The following CYB561D2 variants were observed in gnomAD, a reference collection of about 807,000 sequenced individuals.
The protein encoded by CYB561D2 is cytochrome b561 family member D2.
Under a neutral mutation model 20.2 loss-of-function variants are expected in CYB561D2, and 16 were observed. The ratio of observed to expected loss-of-function variants is 0.79; its 90% confidence interval spans 0.53 to 1.20. The LOEUF is 1.20. Ranked by LOEUF, CYB561D2 falls within the 50% of genes most tolerant of loss-of-function variation. The pLI is 0.00. For synonymous variants in CYB561D2, 135 were observed against 128.3 expected, an observed-to-expected ratio of 1.05 and a Z score of -0.35; for missense variants, 247 against 270.3, an observed-to-expected ratio of 0.91 and a Z score of 0.60.
At position 50,353,516 on chromosome 3, in the gene CYB561D2, G is replaced by T. The variant is rs200800320; in HGVS notation, c.441G>T (p.Leu147=). The T allele has an allele frequency of 6.2e-7, 1 of 1,613,630 alleles. No homozygotes were observed. Residue 147 remains leucine, a synonymous_variant, in exon 4 of 4, where the codon CTG becomes CTT. Transcript: ENST00000425346. ...TGGGGCTGCTCTACCCCAAGCTGCT[G>T]CCCCGATGGCCCCTGGCGAAGCTCA... ...GGVGLLYPKL[L]PRWPLAKLKL... is the part of the protein sequence containing the mutation.
At position 50,353,770 on chromosome 3, in the gene CYB561D2, G is replaced by A. The variant is rs760161984; in HGVS notation, c.*26G>A. The A allele has an allele frequency of 3.2e-6, 5 of 1,561,580 alleles. No individual in the cohort carries two copies. The African/African-American group carries it at 4.0e-5, about 13-fold the overall frequency. On this transcript the variant is annotated 3_prime_UTR_variant, in exon 4 of 4. Coordinates refer to ENST00000425346, the MANE Select transcript of CYB561D2 (RefSeq NM_001291284.2). ...GCTCTTCCCAGCCTAGGGGAAGCCT[G>A]GATTTGCCCCTCCATGTAGGAGCTG...
In CYB561D2 at chr3:50,353,666, A is replaced by G; in HGVS notation, c.591A>G (p.Leu197=). ...VTGAAWYLAV[L]CPVLTSLVIM... is the part of the protein sequence containing the mutation. Reference sequence around the variant, plus strand: ...GTGCAGCCTGGTACCTGGCTGTATTATGCCCTGTCCTCACCAGCTTGGTCA... The same window carrying G: ...GTGCAGCCTGGTACCTGGCTGTATTGTGCCCTGTCCTCACCAGCTTGGTCA... Residue 197 remains leucine, a synonymous_variant, in exon 4 of 4, where the codon TTA becomes TTG. Coordinates refer to ENST00000425346, the MANE Select transcript of CYB561D2 (RefSeq NM_001291284.2). 1 of 1,613,462 alleles carries G rather than the reference A, an allele frequency of 6.2e-7. No individual in the cohort carries two copies. Among genetic ancestry groups the G allele is most frequent in the Non-Finnish European group, 8.5e-7 (1 of 1,180,024 alleles).
Position 50,353,463 on chromosome 3 carries a change from T to C in CYB561D2, c.388T>C (p.Trp130Arg), listed in dbSNP as rs1320449522. ...GCAGGCAGGGCTGCTGGCTGTGCTGTGGGCAGGGCTGCAGTGCTCAGGTGG... is the reference window on the plus strand; with the variant it reads ...GCAGGCAGGGCTGCTGGCTGTGCTGCGGGCAGGGCTGCAGTGCTCAGGTGG... ...HGQAGLLAVL[W>R]AGLQCSGGVG... The change falls in exon 4 of 4, where the codon TGG (tryptophan) becomes CGG (arginine). Residue 130 changes from tryptophan to arginine, a missense_variant. Trp to Arg is a moderately radical substitution (Grantham distance 101). Transcript: ENST00000425346. 16 of 1,613,086 alleles carry C rather than the reference T, an allele frequency of 9.9e-6. No individual in the cohort carries two copies. Among genetic ancestry groups the C allele is most frequent in the Non-Finnish European group, 9.3e-6 (11 of 1,179,912 alleles).
In CYB561D2 at chr3:50,350,939, C is replaced by G; in HGVS notation, c.-71C>G. The G allele has an allele frequency of 1.5e-6, 2 of 1,360,462 alleles. No homozygotes were observed. Among genetic ancestry groups the G allele is most frequent in the Non-Finnish European group, 1.9e-6 (2 of 1,055,850 alleles). The allele number at this position is 1,360,462 out of a possible 1,614,324, so 84.3% of individuals were successfully genotyped here. ...GGCAGGGCCCGGAGTATCCCGCTTT[C>G]TTTGGAGGAAACCACCGCATCAGAT... On this transcript the variant is annotated 5_prime_UTR_variant, in exon 1 of 4. Coordinates refer to ENST00000425346, the MANE Select transcript of CYB561D2 (RefSeq NM_001291284.2). This position sits in a 1 kb window ranked among gnomAD's most constrained non-coding sequence, Gnocchi z 5.7.
chr3:50,352,611 G>A (rs1335744577), intron 3 of CYB561D2, among the ~76,000 whole-genome samples: 1 of 149,584 alleles, frequency 6.7e-6, no homozygotes, highest in African/African-American at 2.5e-5. Context: ...GCTTGAACCC[G>A]GAAGGCGGAG....
chr3:50,351,349 C>G, intron 1 of CYB561D2, 60 bp from the exon 2 acceptor site: 1 of 1,537,286 alleles, frequency 6.5e-7, no homozygotes, highest in Non-Finnish European at 8.8e-7. Context: ...GCAGCCTTTT[C>G]TCCAGTGAGG....
In CYB561D2 at chr3:50,353,669, C is replaced by T; in HGVS notation, c.594C>T (p.Cys198=). The T allele has an allele frequency of 5.6e-6, 9 of 1,613,426 alleles. No individual in the cohort carries two copies. In the East Asian group the frequency reaches 6.7e-5, roughly 12 times the overall value. The part of the protein sequence containing the change: ...TGAAWYLAVL[C]PVLTSLVIMN... ...CAGCCTGGTACCTGGCTGTATTATG[C>T]CCTGTCCTCACCAGCTTGGTCATTA... Residue 198 remains cysteine, a synonymous_variant, in exon 4 of 4, where the codon TGC becomes TGT. Coordinates refer to ENST00000425346, the MANE Select transcript of CYB561D2 (RefSeq NM_001291284.2).
intron 2 of CYB561D2, 51 bp downstream of exon 2, chr3:50,351,611 GGGGA>G (rs1232070859): frequency 3.2e-6 from 5 of 1,582,662 alleles, no homozygotes; most frequent in African/African-American, 1.3e-5. Context: ...CACTGTTCCT[GGGGA>G]GGAAGGGCAG....
chr3:50,352,922 A>G (rs1389082285), intron 3 of CYB561D2, among the ~76,000 whole-genome samples: 1 of 152,208 alleles, frequency 6.6e-6, no homozygotes, highest in Non-Finnish European at 1.5e-5. Flanking sequence ...AATTGTATCC[A>G]GCCCCACGTT....
rs780054893 is a variant in CYB561D2 at position 50,351,420 on chromosome 3, T to C, written c.-14T>C. ...TACTATGCTTTCAGGCTACAACCAC[T>C]AGCACGGCTGACGATGGCCCTTTCT... On this transcript the variant is annotated 5_prime_UTR_variant, in exon 2 of 4. Transcript: ENST00000425346. 6.2e-7 allele frequency: 1 copy of C among 1,612,930 alleles called. No individual in the cohort carries two copies. The highest frequency in any genetic ancestry group is 8.5e-7 in the Non-Finnish European group (1 of 1,179,442).
At chr3:50,352,486 CAAAA>C (rs61695988) in intron 3 of CYB561D2, among the ~76,000 whole-genome samples, 2 of 80,156 alleles carry the variant, frequency 2.5e-5, no homozygotes, top group Non-Finnish European at 5.4e-5. Context: ...GGCTCTGTCC[CAAAA>C]AAAAAAAAAA....
chr3:50,354,062 G>A lies in CYB561D2; in HGVS notation c.*318G>A, dbSNP rs1178448616. Reference sequence around the variant, plus strand: ...TAGGAGAGAAAAAAGTAAAAAATTTGTAAAAAATGACTGAAAAGATTGATG... The same window carrying A: ...TAGGAGAGAAAAAAGTAAAAAATTTATAAAAAATGACTGAAAAGATTGATG... On this transcript the variant is annotated 3_prime_UTR_variant, in exon 4 of 4. Transcript: ENST00000425346. 2.4e-5 allele frequency: 6 copies of A among 250,726 alleles called. No individual in the cohort carries two copies. In the Admixed American group the frequency reaches 2.5e-4, roughly 10 times the overall value. 15.5% of individuals were successfully genotyped at this position (250,726 alleles called of 1,614,324 possible).
intron 1 of CYB561D2, 111 bp from the exon 2 acceptor site, chr3:50,351,298 T>C: frequency 8.1e-7 from 1 of 1,241,216 alleles, no homozygotes; most frequent in Non-Finnish European, 1.1e-6. Context: ...TACTGTTCTT[T>C]CCTACCATAA....
chr3:50,351,460 A>G lies in CYB561D2; in HGVS notation c.27A>G (p.Ser9=). The G allele has an allele frequency of 6.2e-7, 1 of 1,613,716 alleles. No homozygotes were observed. Among genetic ancestry groups the G allele is most frequent in the East Asian group, 2.2e-5 (1 of 44,884 alleles). Residue 9 remains serine, a synonymous_variant, in exon 2 of 4, where the codon TCA becomes TCG. Transcript: ENST00000425346. MALSAETE[S]HIYRALRTAS... ...TGGCCCTTTCTGCGGAGACCGAGTC[A>G]CACATCTACCGAGCTCTGCGTACTG...
In CYB561D2 at chr3:50,350,931, C is replaced by T. The variant is rs1246263882; in HGVS notation, c.-79C>T. On this transcript the variant is annotated 5_prime_UTR_variant, in exon 1 of 4. Coordinates refer to ENST00000425346, the MANE Select transcript of CYB561D2 (RefSeq NM_001291284.2). This position sits in a 1 kb window ranked among gnomAD's most constrained non-coding sequence, Gnocchi z 5.7. ...GTGCGCGCGGCAGGGCCCGGAGTAT[C>T]CCGCTTTCTTTGGAGGAAACCACCG... 2.2e-6 allele frequency: 3 copies of T among 1,373,750 alleles called. No homozygotes were observed. Among genetic ancestry groups the T allele is most frequent in the Non-Finnish European group, 2.8e-6 (3 of 1,065,852 alleles). The allele number at this position is 1,373,750 out of a possible 1,614,324, so 85.1% of individuals were successfully genotyped here. A position where few individuals can be genotyped will look rare whatever the true frequency, so the allele number is the denominator to read the frequency against.
rs200795386 is a variant in CYB561D2, at chr3:50,351,512, G to A, written c.79G>A (p.Ala27Thr). The A allele has an allele frequency of 5.0e-6, 8 of 1,613,020 alleles. No individual in the cohort carries two copies. Among genetic ancestry groups the A allele is most frequent in the Admixed American group, 1.7e-5 (1 of 59,922 alleles). The change falls in exon 2 of 4, where the codon GCC becomes ACC. Residue 27 changes from alanine to threonine, a missense_variant. Ala to Thr is a moderately conservative substitution (Grantham distance 58). Transcript: ENST00000425346. ...TTCTGGCGCTGCCGCCCACCTTGTG[G>A]CCCTGGGCTTTACCATCTTTGTGGC... Reference protein sequence around the residue: ...TASGAAAHLVALGFTIFVAVL... With the variant: ...TASGAAAHLVTLGFTIFVAVL...
chr3:50,352,835 C>T (rs1703803623), intron 3 of CYB561D2, among the ~76,000 whole-genome samples: 1 of 152,158 alleles, frequency 6.6e-6, no homozygotes, highest in Non-Finnish European at 1.5e-5. Flanking sequence ...TACCTCTGTC[C>T]CTTTTTACTT....
chr3:50,354,001 A>T lies in CYB561D2; in HGVS notation c.*257A>T. On this transcript the variant is annotated 3_prime_UTR_variant, in exon 4 of 4. Coordinates refer to ENST00000425346, the MANE Select transcript of CYB561D2 (RefSeq NM_001291284.2). ...GGGCTGCAAGACTGCCTCTCCTGCA[A>T]GGCAGCTCATACTTGTACTGTATGT... The T allele has an allele frequency of 2.0e-6, 1 of 508,878 alleles. No homozygotes were observed. Among genetic ancestry groups the T allele is most frequent in the East Asian group, 3.1e-5 (1 of 32,094 alleles). The allele number at this position is 508,878 out of a possible 1,614,324, so 31.5% of individuals were successfully genotyped here. A position where few individuals can be genotyped will look rare whatever the true frequency, so the allele number is the denominator to read the frequency against.
intron 3 of CYB561D2, among the ~76,000 whole-genome samples, chr3:50,352,761 T>C (rs1479610625): frequency 1.3e-5 from 2 of 151,734 alleles, no homozygotes; most frequent in Non-Finnish European, 2.9e-5. Flanking sequence ...TGGGTAAGAT[T>C]TGTCTAAGCA....
Sources: allele counts gnomAD v4.1 joint callset (sites outside exome capture counted in the v4.1 genomes callset), GRCh38; gene constraint gnomAD v4.1.1; non-coding constraint Gnocchi (gnomAD v3.1); transcripts MANE v1.5; gene names NCBI Gene and HGNC (gene_info 2026-07-23, HGNC 2026-07-21).